The following ADAM12 variants were observed in gnomAD, a reference collection of about 807,000 sequenced individuals.
ADAM12 encodes disintegrin and metalloproteinase domain-containing protein 12.
In ADAM12, 70 loss-of-function variants were observed where a neutral mutation model predicts 106.4. That is an observed-to-expected ratio of 0.66 (90% CI 0.54 to 0.80). The LOEUF is 0.80. ADAM12 is among the 30% of genes least tolerant of loss of function. ADAM12 has a pLI of 0.00. For synonymous variants in ADAM12, 420 were observed against 433.5 expected, an observed-to-expected ratio of 0.97 and a Z score of 0.39; for missense variants, 1,010 against 1,171.9, an observed-to-expected ratio of 0.86 and a Z score of 2.02.
chr10:126,260,581 G>A (rs553378218), intron 3 of ADAM12, among the ~76,000 whole-genome samples: 1 of 152,282 alleles, frequency 6.6e-6, no homozygotes, highest in Non-Finnish European at 1.5e-5. Flanking sequence ...TACAGAGGTT[G>A]AAACTTTCCT....
chr10:126,240,458 C>A (rs1057366525), intron 3 of ADAM12, among the ~76,000 whole-genome samples: 8 of 152,180 alleles, frequency 5.3e-5, no homozygotes, highest in Admixed American at 1.3e-4. Flanking sequence ...CTACATAAAA[C>A]GAGTAAACAC....
intron 1 of ADAM12, among the ~76,000 whole-genome samples, chr10:126,340,887 T>C (rs1355219464): frequency 4.6e-5 from 7 of 152,050 alleles, no homozygotes; most frequent in Non-Finnish European, 1.0e-4. Flanking sequence ...GGCTAATTTT[T>C]TGTATTTTTG....
At chr10:126,019,908 A>C in intron 21 of ADAM12, 83 bp from the exon 22 acceptor site, 1 of 1,441,996 alleles carries the variant, frequency 6.9e-7, no homozygotes, top group Non-Finnish European at 9.2e-7. Context: ...CGCTTGGCAC[A>C]GGCCCTGCTT....
chr10:126,137,696 T>TGTG (rs1956431560), intron 4 of ADAM12, among the ~76,000 whole-genome samples: 1 of 152,220 alleles, frequency 6.6e-6, no homozygotes, highest in East Asian at 1.9e-4. Flanking sequence ...AGTTCATTCA[T>TGTG]ACTGAGGCAT....
At chr10:126,024,851 C>A (rs371527752) in intron 21 of ADAM12, among the ~76,000 whole-genome samples, 21 of 146,126 alleles carry the variant, frequency 1.4e-4, no homozygotes, top group African/African-American at 1.0e-4. Context: ...ACATGGAGAA[C>A]AAAAAAAAAA....
At chr10:126,378,380 T>C (rs1383550672) in intron 1 of ADAM12, among the ~76,000 whole-genome samples, 1 of 152,228 alleles carries the variant, frequency 6.6e-6, no homozygotes, top group East Asian at 1.9e-4. Context: ...AAAACATATT[T>C]ATTATCAACA....
At chr10:126,314,564 G>T (rs1961263902) in intron 2 of ADAM12, among the ~76,000 whole-genome samples, 1 of 152,218 alleles carries the variant, frequency 6.6e-6, no homozygotes, top group Admixed American at 6.5e-5. Context: ...ATACGACATG[G>T]ACATTTTCAG....
chr10:126,335,535 G>A (rs764301957), intron 1 of ADAM12, among the ~76,000 whole-genome samples: 3 of 152,056 alleles, frequency 2.0e-5, no homozygotes, highest in Non-Finnish European at 2.9e-5. Flanking sequence ...CTTGTCTCAG[G>A]GCAATATGGT....
intron 2 of ADAM12, among the ~76,000 whole-genome samples, chr10:126,310,921 G>T (rs1349424867): frequency 1.3e-5 from 2 of 152,108 alleles, no homozygotes; most frequent in Non-Finnish European, 2.9e-5. Context: ...AAGGGGATAT[G>T]GTGGACCCTA....
At chr10:126,245,376 C>T (rs191659888) in intron 3 of ADAM12, among the ~76,000 whole-genome samples, 17 of 152,258 alleles carry the variant, frequency 1.1e-4, no homozygotes, top group African/African-American at 3.9e-4. Flanking sequence ...AGGAGAGAGT[C>T]CTGCCAGCTT....
In ADAM12 at chr10:126,118,085, C is replaced by G; in HGVS notation, c.556G>C (p.Ala186Pro). Residue 186 changes from alanine to proline, a missense_variant, in exon 6 of 23, where the codon GCT (alanine) becomes CCT (proline). Ala to Pro is a conservative substitution (Grantham distance 27, BLOSUM62 -1). This residue lies in a region of ADAM12 where 391 missense variants were observed against 442.9 expected (regional missense o/e 0.88). Transcript: ENST00000448723. ...GGTGGTGGAAACACATTCTTTGCAG[C>G]GAGGTTTGGTGTGTTGTGATGTGAT... is the stretch of plus-strand genomic sequence containing the variant. ...CGSHHNTPNL[A>P]AKNVFPPPSQ... is the part of the protein sequence containing the mutation. The G allele has an allele frequency of 6.2e-7, 1 of 1,614,100 alleles. No homozygotes were observed. The highest frequency in any genetic ancestry group is 8.5e-7 in the Non-Finnish European group (1 of 1,179,968).
chr10:126,079,683 A>G (rs997488364), intron 11 of ADAM12, among the ~76,000 whole-genome samples: 9 of 152,230 alleles, frequency 5.9e-5, no homozygotes, highest in Non-Finnish European at 1.2e-4. Context: ...ACAATAAAAA[A>G]TGCAATCTAG....
chr10:126,239,583 G>A (rs1958483564), intron 3 of ADAM12, among the ~76,000 whole-genome samples: 2 of 152,154 alleles, frequency 1.3e-5, no homozygotes, highest in South Asian at 4.1e-4. Flanking sequence ...AGAAATTCAA[G>A]CACATGACAT....
chr10:126,100,540 A>G (rs1291779996), intron 9 of ADAM12, among the ~76,000 whole-genome samples: 1 of 114,362 alleles, frequency 8.7e-6, no homozygotes, highest in Admixed American at 8.0e-5. Context: ...TGTCTCTACT[A>G]AAAAAAAAAA....
At chr10:126,350,479 C>T (rs1446393310) in intron 1 of ADAM12, among the ~76,000 whole-genome samples, 1 of 152,214 alleles carries the variant, frequency 6.6e-6, no homozygotes, top group Non-Finnish European at 1.5e-5. Flanking sequence ...ACAGAGACAG[C>T]TGCCTGGGCA....
chr10:126,191,991 C>A (rs1320575844), intron 3 of ADAM12, among the ~76,000 whole-genome samples: 1 of 152,114 alleles, frequency 6.6e-6, no homozygotes, highest in Non-Finnish European at 1.5e-5. Context: ...GAGGGCTACA[C>A]ACTTTTAAAC....
chr10:126,025,316 G>A lies in ADAM12; in HGVS notation c.2530-5491C>T, dbSNP rs747313954. Among the ~76,000 whole-genome samples the A allele has an allele frequency of 5.8e-4, 88 of 152,112 alleles. 1 individual carries two copies. The highest frequency in any genetic ancestry group is 1.9e-3 in the African/African-American group (78 of 41,406). On this transcript the variant is annotated intron_variant, in intron 21 of 22. Transcript: ENST00000448723. ...TAGGAATCATGATAAAACAATACAG[G>A]AGCTGACAGCCAAAATAGTTTAGAG...
chr10:126,128,093 T>C (rs1278318), intron 5 of ADAM12, among the ~76,000 whole-genome samples: 119,377 of 152,034 alleles, frequency 0.79, 47,051 homozygotes, highest in East Asian at 0.82. Flanking sequence ...GTTTTGCCCA[T>C]TATCACTGAG....
At chr10:126,113,687 AATATATATAT>A (rs71309278) in intron 6 of ADAM12, among the ~76,000 whole-genome samples, 26 of 24,112 alleles carry the variant, frequency 1.1e-3, no homozygotes, top group African/African-American at 3.3e-3. Context: ...AAAAAAAAAA[AATATATATAT>A]ATATATATAT....
Sources: gnomAD v4.1 joint callset for allele counts (sites outside exome capture counted in the v4.1 genomes callset) on GRCh38, gnomAD v4.1.1 for gene constraint, gnomAD v4.1.1 regional missense constraint, MANE v1.5 for transcripts, NCBI Gene and HGNC (gene_info 2026-07-23, HGNC 2026-07-21) for gene names.